LIMD1: variants seen among roughly 807,000 people sequenced by gnomAD.
LIMD1 encodes the protein LIM domain-containing protein 1.
A neutral mutation model predicts 58.4 loss-of-function variants in LIMD1; 23 were observed. The ratio of observed to expected loss-of-function variants is 0.39; its 90% CI spans 0.28 to 0.56. The LOEUF is 0.56. LIMD1 is among the 20% of genes least tolerant of loss of function. The probability of loss-of-function intolerance (pLI) is 0.57; values close to 1 mark genes in which losing one functional copy is unlikely to be tolerated. For synonymous variants in LIMD1, 334 were observed against 345.5 expected, an observed-to-expected ratio of 0.97 and a Z score of 0.37; for missense variants, 838 against 855.5, an observed-to-expected ratio of 0.98 and a Z score of 0.25.
At chr3:45,649,536 C>T (rs1007799640) in intron 2 of LIMD1, among the ~76,000 whole-genome samples, 1 of 151,054 alleles carries the variant, frequency 6.6e-6, no homozygotes, top group African/African-American at 2.4e-5. Flanking sequence ...AAAAAATTAG[C>T]CGGGCATGGT....
chr3:45,677,499 GT>G lies in LIMD1; in HGVS notation c.*442del. 6.4e-6 allele frequency: 1 copy of G among 155,772 alleles called. No homozygotes were observed. Among genetic ancestry groups the G allele is most frequent in the Admixed American group, 6.3e-5 (1 of 15,874 alleles). 9.6% of individuals were successfully genotyped at this position (155,772 alleles called of 1,614,324 possible). A position where few individuals can be genotyped will look rare whatever the true frequency, so the allele number is the denominator to read the frequency against. On this transcript the variant is annotated 3_prime_UTR_variant, in exon 8 of 8. Transcript: ENST00000273317. ...TTCAGGAAAATACCTATACCCAAAT[GT>G]TCCCTCCCCCGACATATATCATGGC... is the stretch of plus-strand genomic sequence containing the variant.
At chr3:45,639,220 A>G (rs1327347111) in intron 2 of LIMD1, among the ~76,000 whole-genome samples, 1 of 152,120 alleles carries the variant, frequency 6.6e-6, no homozygotes, top group African/African-American at 2.4e-5. Context: ...ATCTTTGTTT[A>G]CAATTTATCT....
chr3:45,646,281 C>T (rs1483976460), intron 2 of LIMD1, among the ~76,000 whole-genome samples: 4 of 152,230 alleles, frequency 2.6e-5, no homozygotes, highest in East Asian at 1.9e-4. Flanking sequence ...CCTCACTGTG[C>T]GTCAGTCGCC....
At chr3:45,653,765 C>T (rs1216913744) in intron 2 of LIMD1, among the ~76,000 whole-genome samples, 1 of 151,690 alleles carries the variant, frequency 6.6e-6, no homozygotes, top group South Asian at 2.1e-4. Context: ...CAAAAATTAC[C>T]TGGGAGTGAT....
At chr3:45,608,839 C>CAAAAAAAA (rs60750700) in intron 1 of LIMD1, among the ~76,000 whole-genome samples, 3 of 102,972 alleles carry the variant, frequency 2.9e-5, no homozygotes, top group Admixed American at 1.1e-4. Flanking sequence ...GACTCGGTAT[C>CAAAAAAAA]AAAAAAAAAA....
At chr3:45,631,203 AAAT>A (rs539498072) in intron 1 of LIMD1, among the ~76,000 whole-genome samples, 1 of 151,600 alleles carries the variant, frequency 6.6e-6, no homozygotes, top group Admixed American at 6.6e-5. Context: ...ACTCTGTCTC[AAAT>A]AATAATAATA....
chr3:45,597,725 G>A (rs991062113), intron 1 of LIMD1, among the ~76,000 whole-genome samples: 2 of 152,188 alleles, frequency 1.3e-5, no homozygotes, highest in Non-Finnish European at 2.9e-5. Context: ...GGACAGGGAA[G>A]GCCCTGGGAG....
intron 1 of LIMD1, among the ~76,000 whole-genome samples, chr3:45,615,600 C>T (rs906239840): frequency 2.0e-5 from 3 of 151,862 alleles, no homozygotes; most frequent in Non-Finnish European, 2.9e-5. Context: ...ACTAAAAATG[C>T]GAAAAATTAG....
intron 1 of LIMD1, among the ~76,000 whole-genome samples, chr3:45,605,761 G>A (rs1048948864): frequency 2.6e-5 from 4 of 152,218 alleles, no homozygotes; most frequent in Admixed American, 1.3e-4. Flanking sequence ...GTCATCCTTA[G>A]TGCAGGGGGC....
chr3:45,668,293 G>A lies in LIMD1; in HGVS notation c.1579-1G>A. On this transcript the variant is annotated splice_acceptor_variant, in intron 3 of 7. Coordinates refer to ENST00000273317, the MANE Select transcript of LIMD1 (RefSeq NM_014240.3). LOFTEE classifies it high-confidence loss of function. ...AACTTTCTTTTCTTTTTCTTCTGCAGTACTCTGGTTTCCAGCAGTCGGCTG... is the reference window on the plus strand; with the variant it reads ...AACTTTCTTTTCTTTTTCTTCTGCAATACTCTGGTTTCCAGCAGTCGGCTG... The A allele has an allele frequency of 6.2e-7, 1 of 1,611,784 alleles. No homozygotes were observed. The highest frequency in any genetic ancestry group is 8.5e-7 in the Non-Finnish European group (1 of 1,178,702).
chr3:45,620,490 C>A (rs1168380156), intron 1 of LIMD1, among the ~76,000 whole-genome samples: 1 of 152,122 alleles, frequency 6.6e-6, no homozygotes, highest in Admixed American at 6.6e-5. Context: ...TTGTTGCTGT[C>A]AAGAATCATC....
intron 1 of LIMD1, among the ~76,000 whole-genome samples, chr3:45,602,141 G>A (rs960497339): frequency 3.9e-5 from 6 of 151,984 alleles, no homozygotes; most frequent in African/African-American, 1.5e-4. Flanking sequence ...GTAGAGATGG[G>A]GTTTCACTGT....
chr3:45,604,206 A>G (rs1439970397), intron 1 of LIMD1, among the ~76,000 whole-genome samples: 4 of 152,172 alleles, frequency 2.6e-5, no homozygotes, highest in Non-Finnish European at 4.4e-5. Context: ...GGCCACCTCC[A>G]CTGTATGTCC....
In LIMD1 at chr3:45,655,030, C is replaced by T. The variant is rs187524506; in HGVS notation, c.1511-10620C>T. On this transcript the variant is annotated intron_variant, in intron 2 of 7. Transcript: ENST00000273317. ...TGCCACCCGGGTTCAAGTGATTCTCCTGCCTCAGCCTCCTGAGTAGCTGGG... is the reference window on the plus strand; with the variant it reads ...TGCCACCCGGGTTCAAGTGATTCTCTTGCCTCAGCCTCCTGAGTAGCTGGG... Among the ~76,000 whole-genome samples the T allele has an allele frequency of 4.8e-4, 72 of 151,298 alleles. No individual in the cohort carries two copies. The East Asian group carries it at 0.013, about 28-fold the overall frequency.
At chr3:45,596,890 C>T (rs1488730641) in intron 1 of LIMD1, among the ~76,000 whole-genome samples, 1 of 142,106 alleles carries the variant, frequency 7.0e-6, no homozygotes, top group Non-Finnish European at 1.5e-5. Flanking sequence ...GAGATGGAGT[C>T]TCGTTCTGTA....
rs1003174616 is a variant in LIMD1, at chr3:45,674,614, T to C, written c.1893+203T>C. 34 of 534,732 alleles carry C rather than the reference T, an allele frequency of 6.4e-5. No individual in the cohort carries two copies. In the Middle Eastern group the frequency reaches 1.3e-3, roughly 21 times the overall value. 33.1% of individuals were successfully genotyped at this position (534,732 alleles called of 1,614,324 possible). A position where few individuals can be genotyped will look rare whatever the true frequency, so the allele number is the denominator to read the frequency against. The stretch of plus-strand genomic sequence containing the variant: ...GCTCAAGGTATAAAGGTCTTTCTTC[T>C]GCATATTCAGAACTATCAAGTCCTG... On this transcript the variant is annotated intron_variant, in intron 7 of 7. Transcript: ENST00000273317.
intron 1 of LIMD1, among the ~76,000 whole-genome samples, chr3:45,601,406 A>G (rs1575341144): frequency 6.6e-6 from 1 of 152,150 alleles, no homozygotes; most frequent in Admixed American, 6.5e-5. Context: ...TGCAGCTGGG[A>G]TAGTCTCTTC....
Position 45,639,472 on chromosome 3 carries a change from A to C in LIMD1, c.1510+3221A>C, listed in dbSNP as rs567096445. Among the ~76,000 whole-genome samples the C allele has an allele frequency of 5.3e-5, 8 of 152,266 alleles. No homozygotes were observed. The East Asian group carries it at 7.7e-4, about 15-fold the overall frequency. Reference sequence around the variant, plus strand: ...TATTTCTCACAGTTCTAGATGCTGGAAAGTCCAAGATCAAGGTGCTGGCAG... The same window carrying C: ...TATTTCTCACAGTTCTAGATGCTGGCAAGTCCAAGATCAAGGTGCTGGCAG... On this transcript the variant is annotated intron_variant, in intron 2 of 7. Coordinates refer to ENST00000273317, the MANE Select transcript of LIMD1 (RefSeq NM_014240.3).
rs887647248 is a variant in LIMD1 at position 45,607,601 on chromosome 3, G to A, written c.1408+11314G>A. On this transcript the variant is annotated intron_variant, in intron 1 of 7. Transcript: ENST00000273317. Reference sequence around the variant, plus strand: ...TGCTGTCATTCCAGGGAGGGAGTTTGCATTTAGCATGGGTCCTCCCTGCAG... The same window carrying A: ...TGCTGTCATTCCAGGGAGGGAGTTTACATTTAGCATGGGTCCTCCCTGCAG... Among the ~76,000 whole-genome samples the A allele has an allele frequency of 2.6e-5, 4 of 152,188 alleles. No individual in the cohort carries two copies. In the East Asian group the frequency reaches 7.7e-4, roughly 29 times the overall value.
Sources: allele counts gnomAD v4.1 joint callset (sites outside exome capture counted in the v4.1 genomes callset), GRCh38; gene constraint gnomAD v4.1.1; transcripts MANE v1.5; gene names NCBI Gene and HGNC (gene_info 2026-07-23, HGNC 2026-07-21).